KIF21B: variants seen among roughly 807,000 people sequenced by gnomAD.
The protein encoded by KIF21B is kinesin-like protein KIF21B.
A neutral mutation model predicts 192.9 loss-of-function variants in KIF21B; 85 were observed. That is an observed-to-expected ratio of 0.44 (90% CI 0.37 to 0.53). The LOEUF (loss-of-function observed/expected upper bound fraction) is 0.53, where lower values mean the gene tolerates loss of function less well. KIF21B is among the 20% of genes least tolerant of loss of function. KIF21B has a pLI of 0.00. For missense variants in KIF21B, 1,716 were observed against 2,194.8 expected (o/e 0.78, Z 4.36); for synonymous variants, 832 against 884.6 (o/e 0.94, Z 1.05).
Position 200,998,276 on chromosome 1 carries a change from GC to G in KIF21B, c.2077+107del. ...ACAGTCAAAGGTTGGGAAGTCCCTT[GC>G]CTAGAAGGCCAGGATAACCCCAACA... On this transcript the variant is annotated intron_variant, in intron 14 of 34. Coordinates refer to ENST00000461742, the MANE Select transcript of KIF21B (RefSeq NM_001252102.2). This position sits in a 1 kb window ranked among gnomAD's most constrained non-coding sequence, Gnocchi z 4.3. The G allele has an allele frequency of 9.1e-7, 1 of 1,094,594 alleles. No homozygotes were observed. The highest frequency in any genetic ancestry group is 1.3e-6 in the Non-Finnish European group (1 of 757,770). The allele number at this position is 1,094,594 out of a possible 1,614,324, so 67.8% of individuals were successfully genotyped here.
intron 15 of KIF21B, among the ~76,000 whole-genome samples, chr1:200,995,687 C>T (rs1162808130): frequency 1.3e-5 from 2 of 152,234 alleles, no homozygotes; most frequent in African/African-American, 2.4e-5. Context: ...CTTTCTCATA[C>T]ATAAAAGAAT....
rs1039647993 is a variant in KIF21B, at chr1:200,972,674, G to T, written c.*847C>A. On this transcript the variant is annotated 3_prime_UTR_variant, in exon 35 of 35. Coordinates refer to ENST00000461742, the MANE Select transcript of KIF21B (RefSeq NM_001252102.2). ...AGAAGACTCCCTGGGGGCTGTGTCG[G>T]GGACAGGCCTGAGCTGCAGAGTCGA... 3 of 152,694 alleles carry T rather than the reference G, an allele frequency of 2.0e-5. No individual in the cohort carries two copies. Among genetic ancestry groups the T allele is most frequent in the Non-Finnish European group, 4.4e-5 (3 of 68,130 alleles). The allele number at this position is 152,694 out of a possible 1,614,324, so 9.5% of individuals were successfully genotyped here.
intron 3 of KIF21B, among the ~76,000 whole-genome samples, chr1:201,007,369 CACAGAG>C: frequency 1.1e-5 from 1 of 93,022 alleles, no homozygotes; most frequent in Admixed American, 9.2e-5. Flanking sequence ...CACACACACA[CACAGAG>C]ACAGAGACAC....
chr1:200,990,264 G>A lies in KIF21B; in HGVS notation c.2904C>T (p.Ser968=), dbSNP rs746929135. 6.8e-6 allele frequency: 11 copies of A among 1,613,716 alleles called. No individual in the cohort carries two copies. Among genetic ancestry groups the A allele is most frequent in the African/African-American group, 1.3e-5 (1 of 75,062 alleles). ...RRKRERLQAE[S]PEEEKGLQEL... ...CCTGCAGCCCCTTCTCTTCCTCGGG[G>A]CTCTCAGCCTGCAGCCGCTCCCGCT... Residue 968 remains serine (S), a synonymous_variant, in exon 20 of 35, where the codon AGC becomes AGT. Transcript: ENST00000461742. The surrounding 1 kb of genome is among the most constrained non-coding windows in gnomAD (Gnocchi z 5.4).
intron 3 of KIF21B, among the ~76,000 whole-genome samples, chr1:201,007,145 C>G (rs1217024290): frequency 6.7e-6 from 1 of 148,172 alleles, no homozygotes. Flanking sequence ...CACAGAGATA[C>G]ACAGACACGG....
rs772629794 is a variant in KIF21B at position 200,979,615 on chromosome 1, C to T, written c.4080G>A (p.Ser1360=). 2.8e-5 allele frequency: 44 copies of T among 1,591,580 alleles called. No individual in the cohort carries two copies. The highest frequency in any genetic ancestry group is 4.1e-5 in the African/African-American group (3 of 73,552). The part of the protein sequence containing the change: ...NVVSIKYCSH[S]GLVFSVSTSY... Reference sequence around the variant, plus strand: ...AGGTGGACACGGAGAACACAAGCCCCGAGTGGCTGCAGTACTTGATGGAGA... The same window carrying T: ...AGGTGGACACGGAGAACACAAGCCCTGAGTGGCTGCAGTACTTGATGGAGA... The change falls in exon 30 of 35, where the codon TCG becomes TCA. Residue 1360 remains serine, a synonymous_variant. Transcript: ENST00000461742.
Position 201,000,035 on chromosome 1 carries a change from G to T in KIF21B, c.1686-71C>A. On this transcript the variant is annotated intron_variant, in intron 11 of 34. Coordinates refer to ENST00000461742, the MANE Select transcript of KIF21B (RefSeq NM_001252102.2). This position sits in a 1 kb window ranked among gnomAD's most constrained non-coding sequence, Gnocchi z 6.0. ...CCCTGAGCACATGGGCAGGACGGCG[G>T]CAGCGGCAGAAAAGGAAGGCTCTCA... 1.4e-6 allele frequency: 2 copies of T among 1,386,374 alleles called. No individual in the cohort carries two copies. Among genetic ancestry groups the T allele is most frequent in the Non-Finnish European group, 2.0e-6 (2 of 979,478 alleles). 85.9% of individuals were successfully genotyped at this position (1,386,374 alleles called of 1,614,324 possible). A position where few individuals can be genotyped will look rare whatever the true frequency, so the allele number is the denominator to read the frequency against.
rs761156956 is a variant in KIF21B at position 201,000,541 on chromosome 1, T to C, written c.1534A>G (p.Arg512Gly). 6.2e-7 allele frequency: 1 copy of C among 1,613,102 alleles called. No homozygotes were observed. Among genetic ancestry groups the C allele is most frequent in the South Asian group, 1.1e-5 (1 of 91,078 alleles). ...LRRSLSRASA[R>G]SPYSLGASPA... ...GAAGCACCCAGGGAGTAGGGGCTCC[T>C]AGCCGAGGCCCGTGAGAGGCTGCGG... The change falls in exon 11 of 35, where the codon AGG (arginine) becomes GGG (glycine). Residue 512 changes from arginine (R) to glycine (G), a missense_variant. By Grantham distance (125) the Arg-to-Gly change is moderately radical. Around this residue, in one of 3 missense-constraint regions of KIF21B, gnomAD observed 1,087 missense variants for 1,316.6 expected, o/e 0.83. Coordinates refer to ENST00000461742, the MANE Select transcript of KIF21B (RefSeq NM_001252102.2). This position sits in a 1 kb window ranked among gnomAD's most constrained non-coding sequence, Gnocchi z 6.0.
rs1058000 is a variant in KIF21B at position 200,971,294 on chromosome 1, G to A, written c.*2227C>T. 0.015 allele frequency: 2,270 copies of A among 152,616 alleles called. 23 individuals are homozygous for A. The highest frequency in any genetic ancestry group is 0.025 in the South Asian group (120 of 4,830). The allele number at this position is 152,616 out of a possible 1,614,324, so 9.5% of individuals were successfully genotyped here. ...GACACTTGCCAGGACAGCAGAGCTG[G>A]CCCCGCCGTGAGGTAGCTGACCCAT... On this transcript the variant is annotated 3_prime_UTR_variant, in exon 35 of 35. Transcript: ENST00000461742.
intron 34 of KIF21B, 161 bp from the exon 35 acceptor site, chr1:200,973,739 G>A: frequency 6.8e-7 from 1 of 1,474,278 alleles, no homozygotes; most frequent in South Asian, 1.3e-5. Context: ...TGCAGGTGGT[G>A]GGGTGCTGGG....
chr1:201,002,400 G>GA (rs1657554141), intron 8 of KIF21B, 50 bp from the exon 9 acceptor site: 2 of 1,552,248 alleles, frequency 1.3e-6, no homozygotes, highest in East Asian at 2.3e-5. Context: ...CTCGCGGTTG[G>GA]GGGGGTAAGG....
At chr1:201,019,973 G>C (rs1191340024) in intron 1 of KIF21B, among the ~76,000 whole-genome samples, 5 of 152,190 alleles carry the variant, frequency 3.3e-5, no homozygotes, top group Non-Finnish European at 7.3e-5. Flanking sequence ...ACTGCAGCTA[G>C]AGAACCCAAA....
In KIF21B at chr1:200,990,762, T is replaced by C; in HGVS notation, c.2688-39A>G. On this transcript the variant is annotated intron_variant, in intron 18 of 34. Transcript: ENST00000461742. This position sits in a 1 kb window ranked among gnomAD's most constrained non-coding sequence, Gnocchi z 5.4. ...GCAAAGGGGATTGGATGGGACTCCTTTTAACCTCTGCAGCTCCACTGAGCC... is the reference window on the plus strand; with the variant it reads ...GCAAAGGGGATTGGATGGGACTCCTCTTAACCTCTGCAGCTCCACTGAGCC... 6.2e-7 allele frequency: 1 copy of C among 1,610,386 alleles called. No homozygotes were observed.
intron 3 of KIF21B, 32 bp from the exon 4 acceptor site, chr1:201,005,726 G>C: frequency 6.2e-7 from 1 of 1,605,484 alleles, no homozygotes; most frequent in African/African-American, 1.3e-5. Context: ...GAATTCATAG[G>C]GCATTCACTG....
chr1:201,001,884 G>A, intron 9 of KIF21B: 1 of 481,044 alleles, frequency 2.1e-6, no homozygotes, highest in South Asian at 2.6e-5. Flanking sequence ...CTTCTGAGAA[G>A]TAGAGAGGGC....
Position 201,002,291 on chromosome 1 carries a change from A to C in KIF21B, c.1272T>G (p.Asn424Lys). The C allele has an allele frequency of 1.9e-6, 3 of 1,614,152 alleles. No individual in the cohort carries two copies. The highest frequency in any genetic ancestry group is 2.5e-6 in the Non-Finnish European group (3 of 1,180,016). The change falls in exon 9 of 35, where the codon AAT (asparagine) becomes AAG (lysine). Residue 424 changes from asparagine to lysine, a missense_variant. Asn to Lys is a moderately conservative substitution (Grantham distance 94). Transcript: ENST00000461742. Reference sequence around the variant, plus strand: ...CCCCATTCTCCTTCTGTAGCATGGCATTCTCTCGGAACAGATCACTATAGC... The same window carrying C: ...CCCCATTCTCCTTCTGTAGCATGGCCTTCTCTCGGAACAGATCACTATAGC... The part of the protein sequence containing the change: ...AEGYSDLFRE[N>K]AMLQKENGAL...
rs1558008275 is a variant in KIF21B, at chr1:200,990,746, A to G, written c.2688-23T>C. The stretch of plus-strand genomic sequence containing the variant: ...TTTCTGGGAGACATAGGCAAAGGGG[A>G]TTGGATGGGACTCCTTTTAACCTCT... On this transcript the variant is annotated intron_variant, in intron 18 of 34. Coordinates refer to ENST00000461742, the MANE Select transcript of KIF21B (RefSeq NM_001252102.2). This position sits in a 1 kb window ranked among gnomAD's most constrained non-coding sequence, Gnocchi z 5.4. 6.2e-7 allele frequency: 1 copy of G among 1,613,332 alleles called. No homozygotes were observed. Among genetic ancestry groups the G allele is most frequent in the Non-Finnish European group, 8.5e-7 (1 of 1,179,628 alleles).
At chr1:201,020,831 A>ACACACACACG (rs1553244043) in intron 1 of KIF21B, among the ~76,000 whole-genome samples, 19 of 151,830 alleles carry the variant, frequency 1.3e-4, no homozygotes, top group Non-Finnish European at 2.2e-4. Context: ...ACACACACAC[A>ACACACACACG]CACACACACA....
At chr1:200,976,952 G>A in intron 31 of KIF21B, 59 bp from the exon 32 acceptor site, 1 of 1,338,984 alleles carries the variant, frequency 7.5e-7, no homozygotes, top group South Asian at 1.3e-5. Context: ...CTGGGTTGGG[G>A]TGGGGTGTCT....
Sources: allele counts gnomAD v4.1 joint callset (sites outside exome capture counted in the v4.1 genomes callset), GRCh38; gene constraint gnomAD v4.1.1; regional missense constraint gnomAD v4.1.1; non-coding constraint Gnocchi (gnomAD v3.1); transcripts MANE v1.5; gene names NCBI Gene and HGNC (gene_info 2026-07-23, HGNC 2026-07-21).